Variants in ENOX1 observed in about 807,000 individuals in gnomAD.
ENOX1 encodes the protein ecto-NOX disulfide-thiol exchanger 1.
A neutral mutation model predicts 82.5 loss-of-function variants in ENOX1; 42 were observed. The observed-to-expected ratio is 0.51, with a 90% CI of 0.40 to 0.66. The LOEUF (loss-of-function observed/expected upper bound fraction) is 0.66, where lower values mean the gene tolerates loss of function less well. Among genes scored for constraint, ENOX1 ranks in the 30% least tolerant of loss-of-function variants. The probability of loss-of-function intolerance (pLI) is 0.00; values close to 1 mark genes in which losing one functional copy is unlikely to be tolerated. For missense variants in ENOX1, 608 were observed against 811.6 expected, an observed-to-expected ratio of 0.75 and a Z score of 3.05; for synonymous variants, 271 against 282.2, an observed-to-expected ratio of 0.96 and a Z score of 0.40.
chr13:43,445,381 C>T (rs144854474), intron 3 of ENOX1, among the ~76,000 whole-genome samples: 2,237 of 152,216 alleles, frequency 0.015, 32 homozygotes, highest in Non-Finnish European at 0.024. Context: ...CCTTGGCCTC[C>T]CAAAGTGCTG....
intron 2 of ENOX1, among the ~76,000 whole-genome samples, chr13:43,542,986 A>T (rs2078809288): frequency 6.6e-6 from 1 of 152,120 alleles, no homozygotes; most frequent in Non-Finnish European, 1.5e-5. Flanking sequence ...ACGTGACCCA[A>T]TCACCTCCCA....
At chr13:43,748,907 TG>T (rs1435582406) in intron 1 of ENOX1, among the ~76,000 whole-genome samples, 1 of 152,210 alleles carries the variant, frequency 6.6e-6, no homozygotes. Flanking sequence ...ACAGACTGCC[TG>T]GGTTTAAATT....
intron 12 of ENOX1, among the ~76,000 whole-genome samples, chr13:43,288,486 ATATT>A (rs2045826880): frequency 6.6e-6 from 1 of 152,188 alleles, no homozygotes; most frequent in African/African-American, 2.4e-5. Context: ...ATACATACAC[ATATT>A]TATTTTTTGA....
intron 1 of ENOX1, among the ~76,000 whole-genome samples, chr13:43,711,753 C>T (rs1287597010): frequency 2.6e-5 from 4 of 151,028 alleles, no homozygotes; most frequent in African/African-American, 4.9e-5. Context: ...CCTTCACCCA[C>T]TTTTTGATGG....
chr13:43,583,106 C>T (rs2080825819), intron 2 of ENOX1, among the ~76,000 whole-genome samples: 1 of 152,096 alleles, frequency 6.6e-6, no homozygotes, highest in African/African-American at 2.4e-5. Flanking sequence ...TAAACTCCTT[C>T]AAAGCATAAG....
intron 1 of ENOX1, among the ~76,000 whole-genome samples, chr13:43,715,107 TG>T (rs1357520023): frequency 1.3e-5 from 2 of 152,140 alleles, no homozygotes; most frequent in East Asian, 1.9e-4. Flanking sequence ...GCAGGCCTGG[TG>T]GTGACAAAAT....
chr13:43,460,321 A>G (rs2057410772), intron 3 of ENOX1, among the ~76,000 whole-genome samples: 1 of 152,180 alleles, frequency 6.6e-6, no homozygotes, highest in South Asian at 2.1e-4. Flanking sequence ...AAGGTTTTAA[A>G]GTGTTCTGTT....
chr13:43,317,752 T>C (rs1264070976), intron 11 of ENOX1, among the ~76,000 whole-genome samples: 1 of 151,842 alleles, frequency 6.6e-6, no homozygotes, highest in Non-Finnish European at 1.5e-5. Context: ...ATGCCTGTAA[T>C]CCCAACACTT....
At chr13:43,464,563 T>G (rs1436259104) in intron 3 of ENOX1, among the ~76,000 whole-genome samples, 1 of 152,208 alleles carries the variant, frequency 6.6e-6, no homozygotes, top group Non-Finnish European at 1.5e-5. Context: ...GGCCTTCTTA[T>G]TATTAGTGTT....
intron 2 of ENOX1, among the ~76,000 whole-genome samples, chr13:43,517,657 C>T (rs2077606082): frequency 1.3e-5 from 2 of 152,100 alleles, no homozygotes; most frequent in Admixed American, 1.3e-4. Flanking sequence ...TAATCAACTC[C>T]AGTATGGGCC....
intron 1 of ENOX1, among the ~76,000 whole-genome samples, chr13:43,777,709 A>G (rs1242963936): frequency 6.9e-6 from 1 of 145,284 alleles, no homozygotes; most frequent in Non-Finnish European, 1.5e-5. Flanking sequence ...TGCCTGGCTA[A>G]TTTTTTTTTT....
intron 5 of ENOX1, among the ~76,000 whole-genome samples, chr13:43,384,552 C>A (rs1270646479): frequency 6.6e-6 from 1 of 152,082 alleles, no homozygotes; most frequent in Non-Finnish European, 1.5e-5. Context: ...AAATAATTTC[C>A]CTCAGTTCAC....
At chr13:43,765,230 G>A (rs865832633) in intron 1 of ENOX1, among the ~76,000 whole-genome samples, 6 of 152,246 alleles carry the variant, frequency 3.9e-5, no homozygotes, top group Middle Eastern at 6.8e-3. Context: ...TAGTCTAAAG[G>A]AAAAACATCA....
chr13:43,760,564 G>T (rs748985640), intron 1 of ENOX1, among the ~76,000 whole-genome samples: 1 of 151,962 alleles, frequency 6.6e-6, no homozygotes, highest in Non-Finnish European at 1.5e-5. Context: ...TTTCTTTAGG[G>T]CCCGTTGACT....
At chr13:43,562,362 A>G (rs1428955258) in intron 2 of ENOX1, among the ~76,000 whole-genome samples, 2 of 152,244 alleles carry the variant, frequency 1.3e-5, no homozygotes, top group East Asian at 3.9e-4. Flanking sequence ...GGTAACCTCA[A>G]ATAAAAAAAT....
intron 11 of ENOX1, among the ~76,000 whole-genome samples, chr13:43,310,928 C>G (rs993176339): frequency 6.6e-6 from 1 of 151,748 alleles, no homozygotes; most frequent in African/African-American, 2.4e-5. Flanking sequence ...CTCTTAGCCC[C>G]ATCCTTCTGC....
At chr13:43,684,380 A>G (rs2085957992) in intron 1 of ENOX1, among the ~76,000 whole-genome samples, 1 of 152,202 alleles carries the variant, frequency 6.6e-6, no homozygotes, top group African/African-American at 2.4e-5. Context: ...TTGATGGGAC[A>G]CTAAAATTGA....
At chr13:43,496,049 A>T (rs1183397651) in intron 2 of ENOX1, among the ~76,000 whole-genome samples, 1 of 152,124 alleles carries the variant, frequency 6.6e-6, no homozygotes, top group Admixed American at 6.6e-5. Context: ...AGCTTTGTTA[A>T]ATATTCTAGA....
rs2047716567 is a variant in ENOX1 at position 43,320,020 on chromosome 13, G to C, written c.1261+2364C>G. Among the ~76,000 whole-genome samples, 3 of 152,202 alleles carry C rather than the reference G, an allele frequency of 2.0e-5. No individual in the cohort carries two copies. The South Asian group carries it at 6.2e-4, about 31-fold the overall frequency. ...TATGGCCTCCATCCTCCTGCTTCAA[G>C]CAACAGTTAGCAGGGATTTGTCTGA... On this transcript the variant is annotated intron_variant, in intron 11 of 16. Coordinates refer to ENST00000690772, the MANE Select transcript of ENOX1 (RefSeq NM_001347969.2).
Sources: gnomAD v4.1 joint callset for allele counts (sites outside exome capture counted in the v4.1 genomes callset) on GRCh38, gnomAD v4.1.1 for gene constraint, MANE v1.5 for transcripts, NCBI Gene and HGNC (gene_info 2026-07-23, HGNC 2026-07-21) for gene names.